UBA2: variants seen among roughly 807,000 people sequenced by gnomAD.
UBA2 encodes ubiquitin like modifier activating enzyme 2, also known as SUMO-activating enzyme subunit 2.
UBA2 carries 11 observed loss-of-function variants against 77.2 expected under a neutral mutation model. The ratio of observed to expected loss-of-function variants is 0.14; its 90% confidence interval spans 0.09 to 0.24. UBA2 has a LOEUF of 0.24. Ranked by LOEUF, UBA2 falls within the 10% of genes least tolerant of loss-of-function variation. UBA2 has a pLI of 1.00. For synonymous variants in UBA2, 278 were observed against 276.7 expected (o/e 1.00, Z -0.05); for missense variants, 487 against 781.7 (o/e 0.62, Z 4.50).
At position 34,444,868 on chromosome 19, in the gene UBA2, AT is replaced by A. The variant is rs2075411533; in HGVS notation, c.650-130del. 4.5e-6 allele frequency: 4 copies of A among 898,860 alleles called. No individual in the cohort carries two copies. In the East Asian group the frequency reaches 1.1e-4, roughly 24 times the overall value. The allele number at this position is 898,860 out of a possible 1,614,324, so 55.7% of individuals were successfully genotyped here. A position where few individuals can be genotyped will look rare whatever the true frequency, so the allele number is the denominator to read the frequency against. On this transcript the variant is annotated intron_variant, in intron 7 of 16. Transcript: ENST00000246548. ...ATGCTGATGAATGTGTTATTTTCTTATTCCTTGAACTCAGAATGTGTTGCAT... is the reference window on the plus strand; with the variant it reads ...ATGCTGATGAATGTGTTATTTTCTTATCCTTGAACTCAGAATGTGTTGCAT...
At chr19:34,429,181 G>A in intron 1 of UBA2, 1 of 985,314 alleles carries the variant, frequency 1.0e-6, no homozygotes, top group Non-Finnish European at 1.2e-6. Flanking sequence ...GAGTGGCAGG[G>A]CTCCCGCAGG....
intron 1 of UBA2, 26 bp downstream of exon 1, chr19:34,428,596 A>C: frequency 1.7e-5 from 18 of 1,055,946 alleles, no homozygotes; most frequent in Middle Eastern, 2.7e-4. Flanking sequence ...GCGCGCGTGA[A>C]TGGCGGGCTG....
Position 34,469,125 on chromosome 19 carries a change from C to G in UBA2, c.1827C>G (p.Ser609Arg), listed in dbSNP as rs1161918557. The G allele has an allele frequency of 2.5e-6, 4 of 1,613,322 alleles. No homozygotes were observed. The African/African-American group carries it at 5.3e-5, about 22-fold the overall frequency. Residue 609 changes from serine to arginine, a missense_variant, in exon 17 of 17, where the codon AGC becomes AGG. By Grantham distance (110) the Ser-to-Arg change is moderately radical. Coordinates refer to ENST00000246548, the MANE Select transcript of UBA2 (RefSeq NM_005499.3). ...CCGACGTCAGTGAAGAAGAGAGAAG[C>G]CGCAAGAGGAAATTAGATGAGAAAG... ...NNADVSEEER[S>R]RKRKLDEKEN...
chr19:34,461,009 A>G (rs1345828953), intron 14 of UBA2, among the ~76,000 whole-genome samples: 2 of 152,222 alleles, frequency 1.3e-5, no homozygotes, highest in African/African-American at 4.8e-5. Flanking sequence ...TCAAAAGTTC[A>G]AGCAGTTCAT....
rs1372523903 is a variant in UBA2, at chr19:34,469,354, A to T, written c.*133A>T. 1 of 771,878 alleles carries T rather than the reference A, an allele frequency of 1.3e-6. No homozygotes were observed. Among genetic ancestry groups the T allele is most frequent in the African/African-American group, 1.8e-5 (1 of 56,004 alleles). 47.8% of individuals were successfully genotyped at this position (771,878 alleles called of 1,614,324 possible). On this transcript the variant is annotated 3_prime_UTR_variant, in exon 17 of 17. Transcript: ENST00000246548. The stretch of plus-strand genomic sequence containing the variant: ...AAATGATTCTGCTCCCTTTGAAAGC[A>T]TTCATTTTGCTAGAACTGTTAGACA...
chr19:34,444,063 T>G (rs1349398602), intron 7 of UBA2, 152 bp downstream of exon 7: 5 of 534,536 alleles, frequency 9.4e-6, no homozygotes, highest in Non-Finnish European at 1.3e-5. Context: ...TTTTTTTTTT[T>G]TTTTTGTCTC....
intron 10 of UBA2, among the ~76,000 whole-genome samples, chr19:34,453,667 T>C (rs955529525): frequency 6.6e-6 from 1 of 151,898 alleles, no homozygotes; most frequent in African/African-American, 2.4e-5. Context: ...GGGACGACTT[T>C]AGGTGTGCGC....
At chr19:34,459,034 C>A in intron 13 of UBA2, 110 bp downstream of exon 13, 1 of 1,168,062 alleles carries the variant, frequency 8.6e-7, no homozygotes, top group Non-Finnish European at 1.2e-6. Flanking sequence ...AGATGTGTGG[C>A]TGTGATTTCC....
chr19:34,438,791 G>A, intron 6 of UBA2, 25 bp downstream of exon 6: 1 of 1,611,294 alleles, frequency 6.2e-7, no homozygotes, highest in Non-Finnish European at 8.5e-7. Flanking sequence ...TTCTTGGCAT[G>A]CTTTTCGGTA....
intron 12 of UBA2, 72 bp from the exon 13 acceptor site, chr19:34,458,697 G>T: frequency 7.6e-7 from 1 of 1,318,598 alleles, no homozygotes; most frequent in South Asian, 1.9e-5. Flanking sequence ...TCTGGTAAAC[G>T]AGATTTTAGA....
intron 1 of UBA2, chr19:34,429,158 TG>T: frequency 1.0e-6 from 1 of 985,012 alleles, no homozygotes; most frequent in Non-Finnish European, 1.2e-6. Context: ...TAACTTACCC[TG>T]GGTCACGGAG....
intron 5 of UBA2, among the ~76,000 whole-genome samples, chr19:34,435,443 G>A (rs760352818): frequency 1.3e-5 from 2 of 152,106 alleles, no homozygotes; most frequent in African/African-American, 4.8e-5. Flanking sequence ...AAGACTATGG[G>A]CAAGGAAATC....
At chr19:34,458,127 A>G (rs2910413) in intron 12 of UBA2, among the ~76,000 whole-genome samples, 14,573 of 152,172 alleles carry the variant, frequency 0.096, 1,144 homozygotes, top group African/African-American at 0.21. Flanking sequence ...TGCTGATACA[A>G]TGATGGCACC....
intron 14 of UBA2, among the ~76,000 whole-genome samples, chr19:34,462,945 AT>A (rs2075647575): frequency 6.6e-6 from 1 of 152,112 alleles, no homozygotes; most frequent in Non-Finnish European, 1.5e-5. Flanking sequence ...AAATACAAAA[AT>A]TAGCCAGGCA....
rs1415631838 is a variant in UBA2, at chr19:34,454,437, T to TA, written c.1133-7_1133-6insA. On this transcript the variant is annotated splice_region_variant and splice_polypyrimidine_tract_variant and intron_variant, in intron 11 of 16. Transcript: ENST00000246548. ...GAAACATACTCATCCTTTTTTTTTT[T>TA]TCCCAGCAATGGCAGGGAACATTAT... 6.3e-7 allele frequency: 1 copy of TA among 1,582,938 alleles called. No individual in the cohort carries two copies. The highest frequency in any genetic ancestry group is 1.4e-5 in the African/African-American group (1 of 73,196).
chr19:34,428,458 G>T lies in UBA2; in HGVS notation c.26G>T (p.Arg9Leu). 7.8e-7 allele frequency: 1 copy of T among 1,284,116 alleles called. No individual in the cohort carries two copies. The allele number at this position is 1,284,116 out of a possible 1,614,324, so 79.5% of individuals were successfully genotyped here. Residue 9 changes from arginine (R) to leucine (L), a missense_variant, in exon 1 of 17, where the codon CGG becomes CTG. Arg to Leu is a moderately radical substitution (Grantham distance 102, BLOSUM62 -2). Coordinates refer to ENST00000246548, the MANE Select transcript of UBA2 (RefSeq NM_005499.3). Reference sequence around the variant, plus strand: ...ATGGCACTGTCGCGGGGGCTGCCCCGGGAGCTGGCTGAGGCGGTGGCCGGG... The same window carrying T: ...ATGGCACTGTCGCGGGGGCTGCCCCTGGAGCTGGCTGAGGCGGTGGCCGGG... MALSRGLP[R>L]ELAEAVAGGR... is the part of the protein sequence containing the mutation.
chr19:34,469,067 T>C lies in UBA2; in HGVS notation c.1769T>C (p.Val590Ala). ...CAAGAGCAAGATGACGTTCTCATAG[T>C]TGATTCAGATGAAGAAGATTCTTCA... The part of the protein sequence containing the change: ...TAQEQDDVLI[V>A]DSDEEDSSNN... The change falls in exon 17 of 17, where the codon GTT becomes GCT. Residue 590 changes from valine to alanine, a missense_variant. By Grantham distance (64) the Val-to-Ala change is moderately conservative. Coordinates refer to ENST00000246548, the MANE Select transcript of UBA2 (RefSeq NM_005499.3). 6.2e-7 allele frequency: 1 copy of C among 1,608,272 alleles called. No homozygotes were observed. The highest frequency in any genetic ancestry group is 2.2e-5 in the East Asian group (1 of 44,828).
chr19:34,429,191 G>T, intron 1 of UBA2: 1 of 985,350 alleles, frequency 1.0e-6, no homozygotes. Context: ...GCTCCCGCAG[G>T]CTGCGTGACT....
Position 34,439,163 on chromosome 19 carries a change from G to A in UBA2, c.581+397G>A, listed in dbSNP as rs536113477. Among the ~76,000 whole-genome samples the A allele has an allele frequency of 2.0e-5, 3 of 149,992 alleles. No individual in the cohort carries two copies. In the South Asian group the frequency reaches 6.3e-4, roughly 32 times the overall value. ...GTGGAGGTTGGAGTGAGCCGAGATC[G>A]CGCCACTGCACTCCAGCTTGGCAAC... is the stretch of plus-strand genomic sequence containing the variant. On this transcript the variant is annotated intron_variant, in intron 6 of 16. Transcript: ENST00000246548.
Sources: gnomAD v4.1 joint callset for allele counts (sites outside exome capture counted in the v4.1 genomes callset) on GRCh38, gnomAD v4.1.1 for gene constraint, MANE v1.5 for transcripts, NCBI Gene and HGNC (gene_info 2026-07-23, HGNC 2026-07-21) for gene names.